Variants in TMPRSS7 observed in about 807,000 individuals in gnomAD.
TMPRSS7 encodes the protein transmembrane protease serine 7.
A neutral mutation model predicts 95.6 loss-of-function variants in TMPRSS7; 81 were observed. The observed-to-expected ratio is 0.85, with a 90% confidence interval of 0.71 to 1.02. The LOEUF (loss-of-function observed/expected upper bound fraction) is 1.02, where lower values mean the gene tolerates loss of function less well. TMPRSS7 is among the 50% of genes least tolerant of loss of function. The probability of loss-of-function intolerance (pLI) is 0.00; values close to 1 mark genes in which losing one functional copy is unlikely to be tolerated. For synonymous variants in TMPRSS7, 364 were observed against 337.8 expected (o/e 1.08, Z -0.85); for missense variants, 945 against 955.2 (o/e 0.99, Z 0.14).
intron 9 of TMPRSS7, among the ~76,000 whole-genome samples, chr3:112,056,746 T>C (rs1051345441): frequency 7.9e-5 from 12 of 152,204 alleles, no homozygotes; most frequent in African/African-American, 2.9e-4. Context: ...TAAAGTTAAG[T>C]TCACACTAAC....
At chr3:112,064,356 C>CTTTTTTTTTTTT (rs1553764669) in intron 12 of TMPRSS7, among the ~76,000 whole-genome samples, 8 of 150,616 alleles carry the variant, frequency 5.3e-5, no homozygotes, top group African/African-American at 2.0e-4. Context: ...GTTTTCTTTT[C>CTTTTTTTTTTTT]TTTTTTCTTT....
intron 7 of TMPRSS7, among the ~76,000 whole-genome samples, chr3:112,048,847 A>C (rs1662265): frequency 0.91 from 137,815 of 152,144 alleles, 63,094 homozygotes; most frequent in East Asian, 1. Context: ...ATCCTCAGCA[A>C]AATGCTATGA....
intron 4 of TMPRSS7, among the ~76,000 whole-genome samples, chr3:112,045,006 G>GT (rs1384089617): frequency 6.6e-6 from 1 of 152,200 alleles, no homozygotes; most frequent in Non-Finnish European, 1.5e-5. Context: ...TACTAGCTAT[G>GT]TGACTTGGAG....
intron 7 of TMPRSS7, among the ~76,000 whole-genome samples, chr3:112,049,555 C>A (rs2073319326): frequency 6.6e-6 from 1 of 152,184 alleles, no homozygotes. Flanking sequence ...GGACCTTAGC[C>A]ATTAGATACA....
intron 9 of TMPRSS7, 67 bp downstream of exon 9, chr3:112,050,850 T>A (rs1269468096): frequency 1.3e-6 from 1 of 779,686 alleles, no homozygotes; most frequent in East Asian, 2.7e-5. Flanking sequence ...TGAATTTCAT[T>A]CATTTTTTAA....
intron 16 of TMPRSS7, among the ~76,000 whole-genome samples, 172 bp from the exon 17 acceptor site, chr3:112,078,570 C>G (rs1029005966): frequency 2.0e-5 from 3 of 152,140 alleles, no homozygotes; most frequent in African/African-American, 7.2e-5. Context: ...CCTTTAATCT[C>G]CTAGCACTCG....
intron 9 of TMPRSS7, among the ~76,000 whole-genome samples, chr3:112,051,559 C>G (rs374534247): frequency 3.7e-5 from 4 of 108,030 alleles, no homozygotes; most frequent in Admixed American, 9.1e-5. Context: ...ATCTATCTAT[C>G]TATCTATGTA....
At chr3:112,063,469 G>C in intron 11 of TMPRSS7, 56 bp from the exon 12 acceptor site, 1 of 1,375,226 alleles carries the variant, frequency 7.3e-7, no homozygotes, top group Non-Finnish European at 1.0e-6. Context: ...ATGTGGTCTA[G>C]TGATTTCAGG....
chr3:112,069,729 A>G (rs56238410), intron 13 of TMPRSS7, among the ~76,000 whole-genome samples: 3,865 of 151,666 alleles, frequency 0.025, 162 homozygotes, highest in African/African-American at 0.087. Flanking sequence ...TTCTTTATTA[A>G]TCTTGCTAGC....
At chr3:112,074,712 A>G (rs753331359) in intron 14 of TMPRSS7, among the ~76,000 whole-genome samples, 5 of 152,182 alleles carry the variant, frequency 3.3e-5, no homozygotes, top group Non-Finnish European at 5.9e-5. Flanking sequence ...GAAAATAAAT[A>G]GAAACTGGAA....
intron 10 of TMPRSS7, among the ~76,000 whole-genome samples, chr3:112,059,774 T>C (rs908806861): frequency 1.3e-5 from 2 of 152,186 alleles, no homozygotes; most frequent in African/African-American, 2.4e-5. Flanking sequence ...AAAAGACTCT[T>C]CCTGAAAAAC....
intron 3 of TMPRSS7, 79 bp downstream of exon 3, chr3:112,042,129 A>G: frequency 2.5e-6 from 3 of 1,217,562 alleles, no homozygotes; most frequent in Non-Finnish European, 3.5e-6. Flanking sequence ...GGGGAACACA[A>G]GTGTCACAGG....
intron 2 of TMPRSS7, among the ~76,000 whole-genome samples, chr3:112,039,007 C>A (rs115348440): frequency 0.011 from 1,703 of 152,244 alleles, 37 homozygotes; most frequent in African/African-American, 0.038. Context: ...TTTCCTCATT[C>A]CACCCACCAC....
chr3:112,072,433 A>G (rs2073660822), intron 13 of TMPRSS7, among the ~76,000 whole-genome samples: 1 of 152,228 alleles, frequency 6.6e-6, no homozygotes, highest in South Asian at 2.1e-4. Flanking sequence ...TCAGGGACCC[A>G]CTTGAGGAGG....
In TMPRSS7 at chr3:112,072,175, T is replaced by C. The variant is rs140932983; in HGVS notation, c.1667-2121T>C. Among the ~76,000 whole-genome samples, 34 of 152,344 alleles carry C rather than the reference T, an allele frequency of 2.2e-4. No homozygotes were observed. The East Asian group carries it at 6.2e-3, about 28-fold the overall frequency. ...TTGATGTTGATGCTGTTCCTTTCTG[T>C]TTGTTAGTTTTGCTTCTAACAGTCA... On this transcript the variant is annotated intron_variant, in intron 13 of 17. Coordinates refer to ENST00000452346, the Ensembl canonical transcript of TMPRSS7.
At chr3:112,048,609 G>A (rs1013796138) in intron 7 of TMPRSS7, among the ~76,000 whole-genome samples, 2 of 152,114 alleles carry the variant, frequency 1.3e-5, no homozygotes, top group Non-Finnish European at 2.9e-5. Context: ...TACTCACTGT[G>A]CTAAAAAGGT....
downstream of TMPRSS7, chr3:112,081,268 T>TTAA: frequency 9.0e-6 from 2 of 223,180 alleles, no homozygotes; most frequent in African/African-American, 2.7e-5. Flanking sequence ...CTGTCTCTAC[T>TTAA]GAAAAAAAAA....
At position 112,066,285 on chromosome 3, in the gene TMPRSS7, A is replaced by T; in HGVS notation, c.1556-107A>T. On this transcript the variant is annotated intron_variant, in intron 12 of 17. Transcript: ENST00000452346. ...TTGAGGAAAATACACTTTTTGTTTTATAGGTCATCCTAATGATTTGTACCT... is the reference window on the plus strand; with the variant it reads ...TTGAGGAAAATACACTTTTTGTTTTTTAGGTCATCCTAATGATTTGTACCT... The T allele has an allele frequency of 5.7e-6, 5 of 880,574 alleles. No homozygotes were observed. In the Admixed American group the frequency reaches 6.6e-5, roughly 12 times the overall value. The allele number at this position is 880,574 out of a possible 1,614,324, so 54.5% of individuals were successfully genotyped here. A position where few individuals can be genotyped will look rare whatever the true frequency, so the allele number is the denominator to read the frequency against.
intron 3 of TMPRSS7, 115 bp from the exon 4 acceptor site, chr3:112,044,140 T>C: frequency 2.9e-6 from 2 of 686,746 alleles, no homozygotes; most frequent in South Asian, 1.8e-5. Context: ...AGCCTTTATT[T>C]TGAGGCTTGC....
Sources: gnomAD v4.1 joint callset for allele counts (sites outside exome capture counted in the v4.1 genomes callset) on GRCh38, gnomAD v4.1.1 for gene constraint, MANE v1.5 for transcripts, NCBI Gene and HGNC (gene_info 2026-07-23, HGNC 2026-07-21) for gene names.